Variants in MCF2L observed in about 807,000 individuals in gnomAD.
MCF2L encodes the protein guanine nucleotide exchange factor DBS.
Under a neutral mutation model 153.4 loss-of-function variants are expected in MCF2L, and 97 were observed. The observed-to-expected ratio is 0.63, with a 90% CI of 0.54 to 0.75. The LOEUF is 0.75. Ranked by LOEUF, MCF2L falls within the 30% of genes least tolerant of loss-of-function variation. The pLI is 0.00. For missense variants in MCF2L, 1,347 were observed against 1,495.2 expected (o/e 0.90, Z 1.64); for synonymous variants, 659 against 632.2 (o/e 1.04, Z -0.64).
At chr13:113,056,724 A>T (rs1269454239) in intron 4 of MCF2L, among the ~76,000 whole-genome samples, 1 of 80,144 alleles carries the variant, frequency 1.2e-5, no homozygotes, top group Non-Finnish European at 2.4e-5. Flanking sequence ...TTGGGTGCTG[A>T]GTGGGTGCTG....
rs1019420252 is a variant in MCF2L at position 113,085,253 on chromosome 13, G to A, written c.2247+75G>A. On this transcript the variant is annotated intron_variant, in intron 20 of 29. Transcript: ENST00000535094. ...GGTGTCTGTGCCGCCCTGGGGCCCC[G>A]TCCCCATCGCGCCCTGCCCCTCCCA... 38 of 1,326,140 alleles carry A rather than the reference G, an allele frequency of 2.9e-5. No homozygotes were observed. The Admixed American group carries it at 3.5e-4, about 12-fold the overall frequency. The allele number at this position is 1,326,140 out of a possible 1,614,324, so 82.1% of individuals were successfully genotyped here. A position where few individuals can be genotyped will look rare whatever the true frequency, so the allele number is the denominator to read the frequency against.
chr13:113,012,380 G>A (rs1458182150), intron 1 of MCF2L, among the ~76,000 whole-genome samples: 1 of 108,640 alleles, frequency 9.2e-6, no homozygotes, highest in African/African-American at 3.2e-5. Flanking sequence ...CGGTGGACAG[G>A]CAGTGTGGAC....
intron 1 of MCF2L, among the ~76,000 whole-genome samples, chr13:112,992,577 G>C (rs1029465954): frequency 6.6e-6 from 1 of 152,202 alleles, no homozygotes; most frequent in Non-Finnish European, 1.5e-5. Flanking sequence ...GTGGATTAGG[G>C]AAATAAGCGT....
rs573069996 is a variant in MCF2L, at chr13:113,029,799, G to A, written c.278+5041G>A. 5.3e-5 allele frequency among the ~76,000 whole-genome samples: 8 copies of A among 152,360 alleles called. No homozygotes were observed. The South Asian group carries it at 1.0e-3, about 20-fold the overall frequency. ...CCTGGCACAGGCGGTTCCCCAGCACGCAGTTTCCAGACAGCTGCACAGCCA... is the reference window on the plus strand; with the variant it reads ...CCTGGCACAGGCGGTTCCCCAGCACACAGTTTCCAGACAGCTGCACAGCCA... On this transcript the variant is annotated intron_variant, in intron 3 of 29. Coordinates refer to ENST00000535094, the MANE Select transcript of MCF2L (RefSeq NM_001112732.3).
intron 26 of MCF2L, chr13:113,090,319 C>G: frequency 4.1e-6 from 5 of 1,210,170 alleles, no homozygotes; most frequent in Non-Finnish European, 5.2e-6. Context: ...CGCGCACAGA[C>G]ACCAGAGTTA....
intron 2 of MCF2L, among the ~76,000 whole-genome samples, chr13:113,023,085 A>G (rs937208662): frequency 2.6e-5 from 4 of 152,188 alleles, no homozygotes; most frequent in Non-Finnish European, 5.9e-5. Context: ...CTTCCTTAGA[A>G]TGCAGCATTG....
intron 2 of MCF2L, among the ~76,000 whole-genome samples, chr13:112,920,271 A>G (rs747247219): frequency 1.3e-4 from 20 of 152,310 alleles, no homozygotes; most frequent in Admixed American, 3.3e-4. Flanking sequence ...TCTCTAACAG[A>G]AAACATAGAG....
chr13:112,985,138 G>A lies in MCF2L; in HGVS notation c.79+15680G>A, dbSNP rs898989235. On this transcript the variant is annotated intron_variant, in intron 1 of 29. Coordinates refer to ENST00000535094, the MANE Select transcript of MCF2L (RefSeq NM_001112732.3). ...GTTCCTTTTTCCTCAAGTTCCTCTC[G>A]GGCGGGCACGGTGTGTCGCCTGGAC... is the stretch of plus-strand genomic sequence containing the variant. The A allele has an allele frequency of 4.6e-5, 13 of 279,834 alleles. No individual in the cohort carries two copies. The East Asian group carries it at 8.7e-4, about 19-fold the overall frequency. The allele number at this position is 279,834 out of a possible 1,614,324, so 17.3% of individuals were successfully genotyped here.
chr13:113,080,267 G>A lies in MCF2L; in HGVS notation c.1809-946G>A, dbSNP rs113191747. Reference sequence around the variant, plus strand: ...GGTCCAGGCAGAGGAGTGTCTGTACGGAGGAGGGTCCAGGCAGAGGAGTGT... The same window carrying A: ...GGTCCAGGCAGAGGAGTGTCTGTACAGAGGAGGGTCCAGGCAGAGGAGTGT... On this transcript the variant is annotated intron_variant, in intron 15 of 29. Transcript: ENST00000535094. Among the ~76,000 whole-genome samples, 13 of 151,534 alleles carry A rather than the reference G, an allele frequency of 8.6e-5. No individual in the cohort carries two copies. The East Asian group carries it at 2.0e-3, about 23-fold the overall frequency.
intron 1 of MCF2L, among the ~76,000 whole-genome samples, chr13:112,996,017 T>C (rs1424391225): frequency 6.6e-6 from 1 of 152,148 alleles, no homozygotes; most frequent in Non-Finnish European, 1.5e-5. Flanking sequence ...GCCTGACGTC[T>C]TCTCTCCACA....
intron 8 of MCF2L, among the ~76,000 whole-genome samples, chr13:113,066,946 C>T (rs1211868707): frequency 2.0e-5 from 3 of 152,256 alleles, no homozygotes; most frequent in Non-Finnish European, 4.4e-5. Flanking sequence ...GAGCTGCCTT[C>T]TCTGCCAGGG....
chr13:112,969,262 T>A lies in MCF2L; in HGVS notation c.-118T>A. 6.9e-7 allele frequency: 1 copy of A among 1,443,950 alleles called. No individual in the cohort carries two copies. Among genetic ancestry groups the A allele is most frequent in the Non-Finnish European group, 9.2e-7 (1 of 1,089,560 alleles). 89.4% of individuals were successfully genotyped at this position (1,443,950 alleles called of 1,614,324 possible). A position where few individuals can be genotyped will look rare whatever the true frequency, so the allele number is the denominator to read the frequency against. ...GGCGGCGGCTGGAGGCTGAAAGCGC[T>A]GCCGTGGCCCCCTCCCCGCCTCCGC... On this transcript the variant is annotated 5_prime_UTR_variant, in exon 1 of 30. Coordinates refer to ENST00000535094, the MANE Select transcript of MCF2L (RefSeq NM_001112732.3). This position sits in a 1 kb window ranked among gnomAD's most constrained non-coding sequence, Gnocchi z 4.8.
At chr13:112,928,380 CT>C (rs2081429272) in intron 2 of MCF2L, among the ~76,000 whole-genome samples, 2 of 152,336 alleles carry the variant, frequency 1.3e-5, no homozygotes, top group Middle Eastern at 3.4e-3. Context: ...CTGCTGTGGT[CT>C]TTTTTCCTCA....
At chr13:112,902,172 C>G in intron 1 of MCF2L, 2 of 1,599,282 alleles carry the variant, frequency 1.3e-6, no homozygotes, top group African/African-American at 1.3e-5. Context: ...ATGACCTCAT[C>G]GTGCTTTTAA....
chr13:113,097,661 C>CAAA lies in MCF2L; in HGVS notation c.*808_*810dup, dbSNP rs3833806. ...TTTAAACAATTAACGTTCTTTTCTA[C>CAAA]AAAAAAAATGCAGGGACTTGATTTT... On this transcript the variant is annotated 3_prime_UTR_variant, in exon 30 of 30. Transcript: ENST00000535094. 1.3e-5 allele frequency: 2 copies of CAAA among 151,754 alleles called. No individual in the cohort carries two copies. Among genetic ancestry groups the CAAA allele is most frequent in the African/African-American group, 4.8e-5 (2 of 41,294 alleles). The allele number at this position is 151,754 out of a possible 1,614,324, so 9.4% of individuals were successfully genotyped here. A position where few individuals can be genotyped will look rare whatever the true frequency, so the allele number is the denominator to read the frequency against.
intron 1 of MCF2L, among the ~76,000 whole-genome samples, chr13:112,901,170 T>G (rs918883186): frequency 1.3e-5 from 2 of 152,224 alleles, no homozygotes; most frequent in African/African-American, 2.4e-5. Context: ...TTTATTTTTT[T>G]TGAGACGGAG....
rs980113862 is a variant in MCF2L at position 113,014,895 on chromosome 13, G to A, written c.163+49G>A. 2.0e-5 allele frequency: 31 copies of A among 1,566,772 alleles called. No individual in the cohort carries two copies. In the Admixed American group the frequency reaches 2.0e-4, roughly 10 times the overall value. ...GGTGGAGAGGGAGGGGTCTGGGGCC[G>A]GGTGTGGGCCGAGCAGCCCCCGTGG... On this transcript the variant is annotated intron_variant, in intron 2 of 29. Coordinates refer to ENST00000535094, the MANE Select transcript of MCF2L (RefSeq NM_001112732.3).
rs73576842 is a variant in MCF2L, at chr13:113,035,740, G to A, written c.279-9531G>A. Among the ~76,000 whole-genome samples the A allele has an allele frequency of 2.8e-3, 424 of 152,308 alleles. 5 individuals are homozygous for A. Among genetic ancestry groups the A allele is most frequent in the African/African-American group, 9.8e-3 (408 of 41,562 alleles). On this transcript the variant is annotated intron_variant, in intron 3 of 29. Coordinates refer to ENST00000535094, the MANE Select transcript of MCF2L (RefSeq NM_001112732.3). This position sits in a 1 kb window ranked among gnomAD's most constrained non-coding sequence, Gnocchi z 4.4. ...TTTAAGGTCTTACTGTGGTGTGAGC[G>A]ATCAGAGACCCCAGTGTTTACCAGG...
chr13:113,089,421 G>T (rs2034980328), intron 25 of MCF2L, among the ~76,000 whole-genome samples, 189 bp from the exon 26 acceptor site: 1 of 128,294 alleles, frequency 7.8e-6, no homozygotes, highest in African/African-American at 3.0e-5. Flanking sequence ...TGGCCCCTCA[G>T]AAGCAGGAGG....
Sources: allele counts gnomAD v4.1 joint callset (sites outside exome capture counted in the v4.1 genomes callset), GRCh38; gene constraint gnomAD v4.1.1; non-coding constraint Gnocchi (gnomAD v3.1); transcripts MANE v1.5; gene names NCBI Gene and HGNC (gene_info 2026-07-23, HGNC 2026-07-21).